ZBTB20: variants seen among roughly 807,000 people sequenced by gnomAD.
ZBTB20 encodes the protein zinc finger and BTB domain containing 20, also known as zinc finger and BTB domain-containing protein 20.
A neutral mutation model predicts 56.9 loss-of-function variants in ZBTB20; 9 were observed. The ratio of observed to expected loss-of-function variants is 0.16; its 90% CI spans 0.10 to 0.28. The LOEUF (loss-of-function observed/expected upper bound fraction) is 0.28, where lower values mean the gene tolerates loss of function less well. ZBTB20 is among the 10% of genes least tolerant of loss of function. ZBTB20 has a pLI of 1.00. For synonymous variants in ZBTB20, 417 were observed against 420.7 expected, an observed-to-expected ratio of 0.99 and a Z score of 0.11; for missense variants, 655 against 1,003.0, an observed-to-expected ratio of 0.65 and a Z score of 4.69.
chr3:114,317,534 T>C lies in ZBTB20; in HGVS notation c.*21471A>G, dbSNP rs1256938186. The C allele has an allele frequency of 2.0e-5, 3 of 152,330 alleles. No individual in the cohort carries two copies. Among genetic ancestry groups the C allele is most frequent in the South Asian group, 2.1e-4 (1 of 4,830 alleles). The allele number at this position is 152,330 out of a possible 1,614,324, so 9.4% of individuals were successfully genotyped here. On this transcript the variant is annotated 3_prime_UTR_variant, in exon 12 of 12. Transcript: ENST00000675478. ...GAAATCAAACGGATTTAGGCTGTCATGTACATGGTTACTCAATGCTTTAAA... is the reference window on the plus strand; with the variant it reads ...GAAATCAAACGGATTTAGGCTGTCACGTACATGGTTACTCAATGCTTTAAA...
At position 114,325,313 on chromosome 3, in the gene ZBTB20, G is replaced by A. The variant is rs1037365465; in HGVS notation, c.*13692C>T. ...TTAAAGTTTGTCCCAAGGAGAGCAAGAGCAGAGTAACTAGCCTTTGTTTTC... is the reference window on the plus strand; with the variant it reads ...TTAAAGTTTGTCCCAAGGAGAGCAAAAGCAGAGTAACTAGCCTTTGTTTTC... On this transcript the variant is annotated 3_prime_UTR_variant, in exon 12 of 12. Coordinates refer to ENST00000675478, the MANE Select transcript of ZBTB20 (RefSeq NM_001348800.3). The A allele has an allele frequency of 6.6e-6, 1 of 152,160 alleles. No homozygotes were observed. Among genetic ancestry groups the A allele is most frequent in the Non-Finnish European group, 1.5e-5 (1 of 68,036 alleles). The allele number at this position is 152,160 out of a possible 1,614,324, so 9.4% of individuals were successfully genotyped here.
At chr3:114,856,213 G>A (rs1032753934) in intron 4 of ZBTB20, among the ~76,000 whole-genome samples, 1 of 152,056 alleles carries the variant, frequency 6.6e-6, no homozygotes, top group African/African-American at 2.4e-5. Context: ...AACATTTGAT[G>A]GTCCTTTACC....
At chr3:115,141,462 G>A (rs1328003307) in intron 1 of ZBTB20, among the ~76,000 whole-genome samples, 1 of 152,178 alleles carries the variant, frequency 6.6e-6, no homozygotes, top group Non-Finnish European at 1.5e-5. Context: ...GTAACTACTA[G>A]TGGGTGGCCC....
At chr3:115,072,491 A>G (rs560714992) in intron 1 of ZBTB20, among the ~76,000 whole-genome samples, 1 of 152,102 alleles carries the variant, frequency 6.6e-6, no homozygotes, top group African/African-American at 2.4e-5. Context: ...CTCCAAATAG[A>G]ATTAAGAGTC....
At chr3:114,973,453 G>T (rs1329778523) in intron 3 of ZBTB20, among the ~76,000 whole-genome samples, 2 of 151,978 alleles carry the variant, frequency 1.3e-5, no homozygotes, top group African/African-American at 4.8e-5. Context: ...GGGGCTGGCT[G>T]GTTTTTAAAA....
chr3:114,491,274 T>A (rs1323577319), intron 7 of ZBTB20, among the ~76,000 whole-genome samples: 1 of 152,074 alleles, frequency 6.6e-6, no homozygotes, highest in African/African-American at 2.4e-5. Context: ...CTGGAGAAAA[T>A]CCCATGACAG....
chr3:114,474,155 G>T (rs2040466775), intron 7 of ZBTB20, among the ~76,000 whole-genome samples: 1 of 152,172 alleles, frequency 6.6e-6, no homozygotes, highest in South Asian at 2.1e-4. Flanking sequence ...CTCCCTCTGG[G>T]TCTCTCCCAC....
intron 2 of ZBTB20, among the ~76,000 whole-genome samples, chr3:114,978,560 A>G (rs1448929803): frequency 6.6e-6 from 1 of 151,536 alleles, no homozygotes; most frequent in Non-Finnish European, 1.5e-5. Flanking sequence ...GGTAATAATG[A>G]TAACATACCA....
chr3:115,032,691 T>A (rs907025926), intron 2 of ZBTB20, among the ~76,000 whole-genome samples: 4 of 151,306 alleles, frequency 2.6e-5, no homozygotes, highest in African/African-American at 9.7e-5. Context: ...TCATACAAAG[T>A]ATCCTTTCTG....
chr3:115,022,024 T>TA (rs2080225351), intron 2 of ZBTB20, among the ~76,000 whole-genome samples: 1 of 150,654 alleles, frequency 6.6e-6, no homozygotes, highest in Non-Finnish European at 1.5e-5. Context: ...GACACTTTAT[T>TA]AACAGTTTTG....
chr3:115,123,228 ATAT>A (rs2084232913), intron 1 of ZBTB20, among the ~76,000 whole-genome samples: 1 of 152,110 alleles, frequency 6.6e-6, no homozygotes, highest in African/African-American at 2.4e-5. Flanking sequence ...TTATCTCTTA[ATAT>A]TTTTGTGGGC....
At chr3:114,873,399 T>C (rs1470467205) in intron 4 of ZBTB20, among the ~76,000 whole-genome samples, 1 of 152,174 alleles carries the variant, frequency 6.6e-6, no homozygotes, top group Non-Finnish European at 1.5e-5. Flanking sequence ...CATATTTAGT[T>C]AGATGTTACT....
intron 7 of ZBTB20, among the ~76,000 whole-genome samples, chr3:114,473,413 A>G (rs984469562): frequency 3.3e-5 from 5 of 152,222 alleles, no homozygotes; most frequent in Non-Finnish European, 5.9e-5. Context: ...GTGAGTCATG[A>G]AAAATGCATA....
chr3:114,765,212 T>G (rs2068706047), intron 5 of ZBTB20, among the ~76,000 whole-genome samples: 1 of 152,166 alleles, frequency 6.6e-6, no homozygotes, highest in Non-Finnish European at 1.5e-5. Flanking sequence ...TATTATGGGT[T>G]TAATTGTGCC....
At chr3:114,462,220 A>C (rs1294693897) in intron 7 of ZBTB20, among the ~76,000 whole-genome samples, 6 of 152,172 alleles carry the variant, frequency 3.9e-5, no homozygotes, top group Admixed American at 3.9e-4. Context: ...TAGGGCTCCC[A>C]GGTAGTAATA....
intron 7 of ZBTB20, among the ~76,000 whole-genome samples, chr3:114,418,495 T>C (rs1043874530): frequency 1.3e-5 from 2 of 151,658 alleles, no homozygotes; most frequent in Non-Finnish European, 2.9e-5. Context: ...CTTTCCAGAA[T>C]GAAACTAGCC....
At chr3:114,792,807 GGTCTTTA>G (rs2071059433) in intron 5 of ZBTB20, among the ~76,000 whole-genome samples, 1 of 151,768 alleles carries the variant, frequency 6.6e-6, no homozygotes, top group South Asian at 2.1e-4. Flanking sequence ...ATTCCTCACT[GGTCTTTA>G]GAAAACAGTG....
intron 4 of ZBTB20, among the ~76,000 whole-genome samples, chr3:114,826,488 C>T (rs994007745): frequency 3.2e-4 from 48 of 151,730 alleles, no homozygotes; most frequent in African/African-American, 1.0e-3. Context: ...GCTTTATTAG[C>T]ATTCATTCAC....
intron 7 of ZBTB20, among the ~76,000 whole-genome samples, chr3:114,475,851 C>A (rs535672912): frequency 1.3e-5 from 2 of 152,050 alleles, no homozygotes; most frequent in Non-Finnish European, 2.9e-5. Context: ...AGATAACAAC[C>A]CTGAATCATT....
Sources: allele counts gnomAD v4.1 joint callset (sites outside exome capture counted in the v4.1 genomes callset), GRCh38; gene constraint gnomAD v4.1.1; transcripts MANE v1.5; gene names NCBI Gene and HGNC (gene_info 2026-07-23, HGNC 2026-07-21).